CDH12: variants seen among roughly 807,000 people sequenced by gnomAD.
CDH12 encodes cadherin 12.
A neutral mutation model predicts 74.1 loss-of-function variants in CDH12; 41 were observed. The observed-to-expected ratio is 0.55, with a 90% CI of 0.43 to 0.72. The LOEUF (loss-of-function observed/expected upper bound fraction) is 0.72. CDH12 is among the 30% of genes least tolerant of loss of function. CDH12 has a pLI of 0.00. For missense variants in CDH12, 945 were observed against 977.2 expected, an observed-to-expected ratio of 0.97 and a Z score of 0.44; for synonymous variants, 399 against 355.0, an observed-to-expected ratio of 1.12 and a Z score of -1.39.
intron 1 of CDH12, among the ~76,000 whole-genome samples, chr5:22,810,184 T>C (rs1228104395): frequency 1.3e-5 from 2 of 152,192 alleles, no homozygotes; most frequent in Non-Finnish European, 2.9e-5. Flanking sequence ...TTAACTGCCT[T>C]TGGGACAAGT....
intron 1 of CDH12, among the ~76,000 whole-genome samples, chr5:22,525,488 A>AG (rs1737228045): frequency 6.7e-6 from 1 of 149,872 alleles, no homozygotes; most frequent in African/African-American, 2.4e-5. Context: ...GAGAGAGAGA[A>AG]AGAGAGAGAG....
chr5:22,270,197 T>C (rs1282608511), intron 3 of CDH12, among the ~76,000 whole-genome samples: 1 of 152,216 alleles, frequency 6.6e-6, no homozygotes, highest in Non-Finnish European at 1.5e-5. Context: ...ATGAAAATTA[T>C]TGCATAAGTA....
chr5:22,055,973 A>G (rs1740711317), intron 5 of CDH12, among the ~76,000 whole-genome samples: 1 of 152,164 alleles, frequency 6.6e-6, no homozygotes, highest in African/African-American at 2.4e-5. Context: ...TTGAATTTAA[A>G]CATTGATGTT....
chr5:22,596,099 C>G lies in CDH12; in HGVS notation c.-522-90735G>C, dbSNP rs190746467. On this transcript the variant is annotated intron_variant, in intron 1 of 14. Coordinates refer to ENST00000382254, the MANE Select transcript of CDH12 (RefSeq NM_004061.5). ...CTCCAGCCTGGGCGACAGAGCGTGA[C>G]TCCGTCTCAAAAAAAATAAAAAAAT... Among the ~76,000 whole-genome samples, 533 of 139,972 alleles carry G rather than the reference C, an allele frequency of 3.8e-3. 1 individual carries two copies. The highest frequency in any genetic ancestry group is 0.011 in the African/African-American group (411 of 37,728). The allele number at this position is 139,972 out of a possible 152,430, so 91.8% of individuals were successfully genotyped here. A position where few individuals can be genotyped will look rare whatever the true frequency, so the allele number is the denominator to read the frequency against.
intron 8 of CDH12, among the ~76,000 whole-genome samples, chr5:21,841,938 G>A (rs1749880850): frequency 6.6e-6 from 1 of 151,178 alleles, no homozygotes; most frequent in Non-Finnish European, 1.5e-5. Flanking sequence ...CAGCGCACCA[G>A]CATGGCACAT....
rs113231407 is a variant in CDH12 at position 21,904,880 on chromosome 5, T to G, written c.527-50090A>C. The stretch of plus-strand genomic sequence containing the variant: ...AAATAGCTAACATATTGAGATGTGG[T>G]TTATACCACTGCAGGGTGAAATTGC... On this transcript the variant is annotated intron_variant, in intron 6 of 14. Coordinates refer to ENST00000382254, the MANE Select transcript of CDH12 (RefSeq NM_004061.5). 3.8e-3 allele frequency among the ~76,000 whole-genome samples: 574 copies of G among 152,194 alleles called. 4 individuals are homozygous for G. Among genetic ancestry groups the G allele is most frequent in the African/African-American group, 0.013 (547 of 41,518 alleles).
chr5:22,710,042 C>A (rs1225605706), intron 1 of CDH12, among the ~76,000 whole-genome samples: 3 of 152,124 alleles, frequency 2.0e-5, no homozygotes, highest in East Asian at 3.9e-4. Context: ...AGGTTTCTAA[C>A]CATTCTGAAA....
At chr5:22,824,552 A>G (rs989109652) in intron 1 of CDH12, among the ~76,000 whole-genome samples, 9 of 152,124 alleles carry the variant, frequency 5.9e-5, no homozygotes, top group Non-Finnish European at 8.8e-5. Context: ...GGATAAACAT[A>G]TAGAATGTCT....
chr5:22,447,601 A>G (rs1744865718), intron 2 of CDH12, among the ~76,000 whole-genome samples: 1 of 152,146 alleles, frequency 6.6e-6, no homozygotes, highest in Non-Finnish European at 1.5e-5. Flanking sequence ...ATGAGCTAGT[A>G]ACTAGATATG....
At chr5:22,377,641 G>A (rs957880941) in intron 3 of CDH12, among the ~76,000 whole-genome samples, 3 of 152,166 alleles carry the variant, frequency 2.0e-5, no homozygotes, top group African/African-American at 7.2e-5. Flanking sequence ...GATTCCAATA[G>A]TTTATTCCTT....
chr5:21,796,553 T>C (rs779752457), intron 10 of CDH12, among the ~76,000 whole-genome samples: 7 of 152,116 alleles, frequency 4.6e-5, no homozygotes, highest in South Asian at 2.1e-4. Flanking sequence ...AGTTTATATA[T>C]GCAAGTCTAT....
At chr5:22,123,781 G>T (rs1195161041) in intron 4 of CDH12, among the ~76,000 whole-genome samples, 1 of 152,068 alleles carries the variant, frequency 6.6e-6, no homozygotes, top group East Asian at 1.9e-4. Flanking sequence ...TTTTAAAGAT[G>T]AGAACATAAA....
chr5:21,978,334 G>T (rs1438680271), intron 5 of CDH12, among the ~76,000 whole-genome samples: 1 of 152,064 alleles, frequency 6.6e-6, no homozygotes, highest in East Asian at 1.9e-4. Flanking sequence ...ATAGAGACAG[G>T]GTTTCACCAT....
intron 1 of CDH12, among the ~76,000 whole-genome samples, chr5:22,716,719 C>A (rs565801875): frequency 6.6e-6 from 1 of 151,762 alleles, no homozygotes; most frequent in Non-Finnish European, 1.5e-5. Context: ...TGAAGACCTT[C>A]CAGTGGGACA....
At chr5:22,532,269 C>G (rs139988496) in intron 1 of CDH12, among the ~76,000 whole-genome samples, 1 of 145,128 alleles carries the variant, frequency 6.9e-6, no homozygotes, top group Admixed American at 7.0e-5. Context: ...TTTACCTGCA[C>G]GACATGGCAC....
At chr5:22,629,590 G>A (rs1443178616) in intron 1 of CDH12, among the ~76,000 whole-genome samples, 2 of 151,912 alleles carry the variant, frequency 1.3e-5, no homozygotes, top group Non-Finnish European at 2.9e-5. Context: ...TCAACCAACT[G>A]GGCATTGAAA....
chr5:22,701,384 C>T (rs1742705582), intron 1 of CDH12, among the ~76,000 whole-genome samples: 1 of 151,908 alleles, frequency 6.6e-6, no homozygotes, highest in African/African-American at 2.4e-5. Flanking sequence ...CTGTAAACAC[C>T]ATCATTGAAT....
At chr5:22,546,584 A>G (rs147090568) in intron 1 of CDH12, among the ~76,000 whole-genome samples, 1 of 152,288 alleles carries the variant, frequency 6.6e-6, no homozygotes, top group Non-Finnish European at 1.5e-5. Context: ...TTTAATTTTG[A>G]GTAAGTGTTA....
At chr5:22,563,233 C>T (rs1324535177) in intron 1 of CDH12, among the ~76,000 whole-genome samples, 1 of 151,872 alleles carries the variant, frequency 6.6e-6, no homozygotes. Flanking sequence ...ACATCCTAGC[C>T]AGCACCTGTA....
Sources: gnomAD v4.1 joint callset for allele counts (sites outside exome capture counted in the v4.1 genomes callset) on GRCh38, gnomAD v4.1.1 for gene constraint, MANE v1.5 for transcripts, NCBI Gene and HGNC (gene_info 2026-07-23, HGNC 2026-07-21) for gene names.